Variants in MCTP2 observed in about 807,000 individuals in gnomAD.
MCTP2 encodes the protein multiple C2 and transmembrane domain containing 2.
A neutral mutation model predicts 111.6 loss-of-function variants in MCTP2; 132 were observed. The ratio of observed to expected loss-of-function variants is 1.18; its 90% CI spans 1.03 to 1.37. MCTP2 has a LOEUF of 1.37. MCTP2 is among the 40% of genes most tolerant of loss of function. The pLI, the probability that MCTP2 is intolerant of heterozygous loss-of-function variation, is 0.00. For synonymous variants in MCTP2, 395 were observed against 387.7 expected (o/e 1.02, Z -0.22); for missense variants, 1,183 against 1,067.9 (o/e 1.11, Z -1.50).
At chr15:94,467,871 T>C (rs1461175942) in intron 20 of MCTP2, among the ~76,000 whole-genome samples, 1 of 152,282 alleles carries the variant, frequency 6.6e-6, no homozygotes, top group East Asian at 1.9e-4. Context: ...AATGGACCTA[T>C]ACAAATGTAG....
At chr15:94,323,748 C>T (rs1290679480) in intron 4 of MCTP2, among the ~76,000 whole-genome samples, 1 of 152,188 alleles carries the variant, frequency 6.6e-6, no homozygotes, top group Non-Finnish European at 1.5e-5. Flanking sequence ...CGTTAGCAAT[C>T]CGCATAGGAA....
At chr15:94,393,269 A>T (rs1471585450) in intron 14 of MCTP2, among the ~76,000 whole-genome samples, 2 of 152,228 alleles carry the variant, frequency 1.3e-5, no homozygotes, top group African/African-American at 4.8e-5. Flanking sequence ...ACAAAAAATG[A>T]TAATGTCTAA....
At chr15:94,328,357 T>A (rs1596369709) in intron 4 of MCTP2, among the ~76,000 whole-genome samples, 1 of 152,038 alleles carries the variant, frequency 6.6e-6, no homozygotes, top group African/African-American at 2.4e-5. Context: ...CTTGATCTCC[T>A]GACCTCGTGA....
chr15:94,264,066 A>C (rs939025061), intron 1 of MCTP2, among the ~76,000 whole-genome samples: 1 of 152,020 alleles, frequency 6.6e-6, no homozygotes, highest in Non-Finnish European at 1.5e-5. Context: ...GATGTCCCTC[A>C]CTTCTTCTTG....
At chr15:94,336,085 C>T (rs1028528866) in intron 4 of MCTP2, among the ~76,000 whole-genome samples, 1 of 152,202 alleles carries the variant, frequency 6.6e-6, no homozygotes, top group Non-Finnish European at 1.5e-5. Flanking sequence ...GCCTCCGACT[C>T]ATCTGTTTTT....
At position 94,479,248 on chromosome 15, in the gene MCTP2, G is replaced by A; in HGVS notation, c.*214G>A. 3 of 582,074 alleles carry A rather than the reference G, an allele frequency of 5.2e-6. No individual in the cohort carries two copies. The East Asian group carries it at 8.4e-5, about 16-fold the overall frequency. The allele number at this position is 582,074 out of a possible 1,614,324, so 36.1% of individuals were successfully genotyped here. On this transcript the variant is annotated 3_prime_UTR_variant, in exon 23 of 23. Coordinates refer to ENST00000357742, the MANE Select transcript of MCTP2 (RefSeq NM_001385001.1). The stretch of plus-strand genomic sequence containing the variant: ...CCTAGTTGCGTAGAGGGTCAGCCCA[G>A]CGAAAAGCAACAACCCCAAGACTGT...
In MCTP2 at chr15:94,243,355, G is replaced by A. The variant is rs539056157; in HGVS notation, c.-66+11691G>A. On this transcript the variant is annotated intron_variant, in intron 1 of 22. Coordinates refer to ENST00000357742, the MANE Select transcript of MCTP2 (RefSeq NM_001385001.1). ...CGTATATGCGTATGTACATACATAC[G>A]TATGCGTATATGCGTATGTACATAC... 7.5e-5 allele frequency among the ~76,000 whole-genome samples: 11 copies of A among 146,738 alleles called. 1 individual carries two copies. The East Asian group carries it at 1.5e-3, about 19-fold the overall frequency.
In MCTP2 at chr15:94,458,188, G is replaced by A. The variant is rs775355356; in HGVS notation, c.2302G>A (p.Val768Ile). ...AAGAATCTATATGGTACAGGATATT[G>A]TTTCAACTGTTCAAAACGTCTTGGA... ...IERIYMVQDI[V>I]STVQNVLEEI... is the part of the protein sequence containing the mutation. Residue 768 changes from valine (V) to isoleucine (I), a missense_variant, in exon 20 of 23, where the codon GTT (valine) becomes ATT (isoleucine). By Grantham distance (29) the Val-to-Ile change is conservative. Coordinates refer to ENST00000357742, the MANE Select transcript of MCTP2 (RefSeq NM_001385001.1). 4 of 1,612,672 alleles carry A rather than the reference G, an allele frequency of 2.5e-6. No homozygotes were observed. Among genetic ancestry groups the A allele is most frequent in the Non-Finnish European group, 1.7e-6 (2 of 1,178,668 alleles).
At chr15:94,349,523 G>C (rs955948757) in intron 8 of MCTP2, among the ~76,000 whole-genome samples, 24 of 152,212 alleles carry the variant, frequency 1.6e-4, no homozygotes, top group African/African-American at 5.8e-4. Flanking sequence ...TGGGTGGAGT[G>C]GGTTGGACGC....
Position 94,468,790 on chromosome 15 carries a change from G to A in MCTP2, c.2361-1543G>A, listed in dbSNP as rs376358724. On this transcript the variant is annotated intron_variant, in intron 20 of 22. Coordinates refer to ENST00000357742, the MANE Select transcript of MCTP2 (RefSeq NM_001385001.1). ...ATTACAGGTGCACGCCACCACACCC[G>A]GCTAATTTTTGTATTTTAGTAGAGA... is the stretch of plus-strand genomic sequence containing the variant. Among the ~76,000 whole-genome samples the A allele has an allele frequency of 3.6e-4, 55 of 152,074 alleles. 1 individual carries two copies. The highest frequency in any genetic ancestry group is 3.1e-3 in the East Asian group (16 of 5,162).
intron 4 of MCTP2, among the ~76,000 whole-genome samples, chr15:94,328,020 C>T (rs756505764): frequency 2.0e-5 from 3 of 152,114 alleles, no homozygotes; most frequent in Non-Finnish European, 2.9e-5. Flanking sequence ...AAGAAAATTG[C>T]CTTACACCCA....
At chr15:94,318,468 G>A (rs1418882563) in intron 4 of MCTP2, among the ~76,000 whole-genome samples, 2 of 151,926 alleles carry the variant, frequency 1.3e-5, no homozygotes, top group African/African-American at 4.8e-5. Flanking sequence ...ATTTTTAGTA[G>A]AGACGGAGTT....
chr15:94,395,873 G>T (rs1351931436), intron 14 of MCTP2, among the ~76,000 whole-genome samples: 1 of 152,106 alleles, frequency 6.6e-6, no homozygotes, highest in South Asian at 2.1e-4. Context: ...TTTACTGACC[G>T]ATTGAACCAG....
At chr15:94,264,765 A>G (rs2152287485) in intron 1 of MCTP2, among the ~76,000 whole-genome samples, 1 of 152,330 alleles carries the variant, frequency 6.6e-6, no homozygotes, top group South Asian at 2.1e-4. Context: ...CCATCTTAAG[A>G]ATTTGATTAT....
chr15:94,237,561 C>A (rs1440988422), intron 1 of MCTP2, among the ~76,000 whole-genome samples: 1 of 151,960 alleles, frequency 6.6e-6, no homozygotes, highest in Non-Finnish European at 1.5e-5. Flanking sequence ...GACTTACTTT[C>A]CAATCTGACT....
At chr15:94,244,419 C>G (rs1409460881) in intron 1 of MCTP2, among the ~76,000 whole-genome samples, 1 of 149,066 alleles carries the variant, frequency 6.7e-6, no homozygotes, top group Non-Finnish European at 1.5e-5. Flanking sequence ...TATATGTATA[C>G]ACATACATAT....
chr15:94,451,185 GA>G (rs930567430), intron 19 of MCTP2, among the ~76,000 whole-genome samples: 20 of 152,058 alleles, frequency 1.3e-4, no homozygotes, highest in African/African-American at 4.3e-4. Flanking sequence ...AATGAATAAT[GA>G]AAAATGGTGG....
chr15:94,340,736 C>T, intron 6 of MCTP2, 77 bp from the exon 7 acceptor site: 2 of 822,076 alleles, frequency 2.4e-6, no homozygotes, highest in Non-Finnish European at 3.8e-6. Flanking sequence ...AGACTTTTAC[C>T]ATAAGCTCCT....
At position 94,435,671 on chromosome 15, in the gene MCTP2, G is replaced by A. The variant is rs111254714; in HGVS notation, c.2086-4505G>A. On this transcript the variant is annotated intron_variant, in intron 17 of 22. Coordinates refer to ENST00000357742, the MANE Select transcript of MCTP2 (RefSeq NM_001385001.1). ...TTTTGAGACGGAGTCTCGCTCTGTC[G>A]CCCAGGCTGGAGTGCAGTGGCGCGA... Among the ~76,000 whole-genome samples the A allele has an allele frequency of 1.3e-4, 15 of 114,840 alleles. 2 individuals are homozygous for A. Among genetic ancestry groups the A allele is most frequent in the Admixed American group, 5.3e-4 (5 of 9,492 alleles). 75.3% of individuals were successfully genotyped at this position (114,840 alleles called of 152,430 possible).
Sources: gnomAD v4.1 joint callset for allele counts (sites outside exome capture counted in the v4.1 genomes callset) on GRCh38, gnomAD v4.1.1 for gene constraint, MANE v1.5 for transcripts, NCBI Gene and HGNC (gene_info 2026-07-23, HGNC 2026-07-21) for gene names.